The following ALDH1L1 variants were observed in gnomAD, a reference collection of about 807,000 sequenced individuals.
The protein encoded by ALDH1L1 is aldehyde dehydrogenase 1 family member L1.
Under a neutral mutation model 101.1 loss-of-function variants are expected in ALDH1L1, and 68 were observed. That is an observed-to-expected ratio of 0.67 (90% CI 0.55 to 0.82). The LOEUF (loss-of-function observed/expected upper bound fraction) is 0.82. ALDH1L1 is among the 40% of genes least tolerant of loss of function. The probability of loss-of-function intolerance (pLI) is 0.00; values close to 1 mark genes in which losing one functional copy is unlikely to be tolerated. For missense variants in ALDH1L1, 1,087 were observed against 1,172.7 expected (o/e 0.93, Z 1.07); for synonymous variants, 486 against 470.8 (o/e 1.03, Z -0.42).
intron 8 of ALDH1L1, among the ~76,000 whole-genome samples, chr3:126,149,728 G>C (rs1409445006): frequency 6.6e-6 from 1 of 152,154 alleles, no homozygotes; most frequent in Admixed American, 6.5e-5. Flanking sequence ...CTGGGCTCCA[G>C]CTACAGTGCC....
At chr3:126,182,192 G>T (rs1265397353), upstream of ALDH1L1, among the ~76,000 whole-genome samples, 1 of 152,008 alleles carries the variant, frequency 6.6e-6, no homozygotes, top group Non-Finnish European at 1.5e-5. Flanking sequence ...TGTCACCCAG[G>T]CTAGAGTCCA....
At chr3:126,157,536 G>A (rs376407889) in intron 3 of ALDH1L1, 28 bp from the exon 4 acceptor site, 39 of 1,607,216 alleles carry the variant, frequency 2.4e-5, no homozygotes, top group Non-Finnish European at 3.1e-5. Flanking sequence ...GAAACCTGGA[G>A]TCCACGATGA....
At chr3:126,111,936 CCA>C (rs1400026061) in intron 19 of ALDH1L1, among the ~76,000 whole-genome samples, 3 of 152,186 alleles carry the variant, frequency 2.0e-5, no homozygotes, top group Non-Finnish European at 4.4e-5. Context: ...CGTGTCAACC[CCA>C]CAGTGTTTTC....
Position 126,114,633 on chromosome 3 carries a change from T to A in ALDH1L1, c.2006A>T (p.Lys669Met). The A allele has an allele frequency of 1.3e-6, 2 of 1,520,374 alleles. No homozygotes were observed. The highest frequency in any genetic ancestry group is 1.8e-6 in the Non-Finnish European group (2 of 1,133,652). 94.2% of individuals were successfully genotyped at this position (1,520,374 alleles called of 1,614,324 possible). The change falls in exon 18 of 23, where the codon AAG becomes ATG. Residue 669 changes from lysine (K) to methionine (M), a missense_variant. Physicochemically the swap from Lys to Met is moderately conservative, Grantham distance 95 (BLOSUM62 -1). Coordinates refer to ENST00000393434, the MANE Select transcript of ALDH1L1 (RefSeq NM_012190.4). ...CTTCCCGCCCAGTTCCAGGGACACC[T>A]TCTTCACGTTACTTATGGCACAGCT... ...MKSCAISNVK[K>M]VSLELGGKSP...
chr3:126,181,988 C>CT (rs537503139), upstream of ALDH1L1, among the ~76,000 whole-genome samples: 9 of 152,134 alleles, frequency 5.9e-5, no homozygotes, highest in Non-Finnish European at 1.3e-4. Flanking sequence ...TGCCGTTCAT[C>CT]TTTGTCCAGA....
At chr3:126,115,053 G>A (rs773974264) in intron 17 of ALDH1L1, 3 of 456,730 alleles carry the variant, frequency 6.6e-6, no homozygotes, top group Non-Finnish European at 1.3e-5. Flanking sequence ...GCATGAGCCT[G>A]GCCAGGGCAG....
At chr3:126,178,139 T>C (rs2081397713) in intron 1 of ALDH1L1, among the ~76,000 whole-genome samples, 1 of 152,094 alleles carries the variant, frequency 6.6e-6, no homozygotes, top group Admixed American at 6.5e-5. Flanking sequence ...CCCAGCACTT[T>C]GGGAGGCCAA....
At chr3:126,180,759 A>G (rs2081462279), upstream of ALDH1L1, 6 of 1,436,902 alleles carry the variant, frequency 4.2e-6, no homozygotes, top group Non-Finnish European at 5.5e-6. Context: ...CCAACCCCGC[A>G]GGGGCCTGCG....
At chr3:126,155,334 C>G (rs1389794318) in intron 5 of ALDH1L1, 68 bp downstream of exon 5, 1 of 1,422,968 alleles carries the variant, frequency 7.0e-7, no homozygotes, top group East Asian at 2.4e-5. Context: ...CCAGCCTCCT[C>G]AGGCTGCCCT....
chr3:126,131,506 C>A lies in ALDH1L1; in HGVS notation c.1501G>T (p.Glu501Ter), dbSNP rs775588878. The part of the protein sequence containing the change: ...RLADLMEQHQ[E>*]ELATIEALDA... ...AGGGCCTCAATGGTGGCCAGCTCCT[C>A]CTGGTGCTGCTCCATGAGATCTGCC... Residue 501 changes from glutamate to a stop codon, truncating the protein, a stop_gained, in exon 13 of 23, where the codon GAG (glutamate) becomes TAG (stop). Transcript: ENST00000393434. LOFTEE classifies it high-confidence loss of function. 2.5e-6 allele frequency: 4 copies of A among 1,612,338 alleles called. No individual in the cohort carries two copies. In the African/African-American group the frequency reaches 5.3e-5, roughly 22 times the overall value.
chr3:126,157,634 G>T, intron 3 of ALDH1L1, 126 bp from the exon 4 acceptor site: 1 of 1,028,846 alleles, frequency 9.7e-7, no homozygotes, highest in Non-Finnish European at 1.4e-6. Context: ...ACTGACACCG[G>T]CTCCGGCGGG....
At position 126,109,834 on chromosome 3, in the gene ALDH1L1, G is replaced by C. The variant is rs549433806; in HGVS notation, c.2347+110C>G. 7.7e-5 allele frequency: 113 copies of C among 1,472,336 alleles called. 1 individual carries two copies. The African/African-American group carries it at 1.4e-3, about 19-fold the overall frequency. 91.2% of individuals were successfully genotyped at this position (1,472,336 alleles called of 1,614,324 possible). ...TCCCAGATGGGGCTGCAGCCTGACT[G>C]TGTAGGTACCTGGCCTTCAGATGTC... On this transcript the variant is annotated intron_variant, in intron 20 of 22. Transcript: ENST00000393434.
intron 8 of ALDH1L1, among the ~76,000 whole-genome samples, chr3:126,148,365 T>A (rs2080739317): frequency 6.6e-6 from 1 of 152,198 alleles, no homozygotes; most frequent in Admixed American, 6.5e-5. Context: ...TAGGGGGTTG[T>A]GGCCCACTAC....
chr3:126,136,986 G>A (rs1028861208), intron 10 of ALDH1L1, 103 bp from the exon 11 acceptor site: 13 of 1,498,342 alleles, frequency 8.7e-6, no homozygotes, highest in Admixed American at 2.0e-5. Context: ...GGGGCCTCCT[G>A]GGGCTTCAGA....
intron 16 of ALDH1L1, among the ~76,000 whole-genome samples, chr3:126,119,058 G>A (rs539482837): frequency 2.8e-4 from 42 of 152,130 alleles, no homozygotes; most frequent in African/African-American, 9.2e-4. Context: ...CTCCTAATTC[G>A]ACTCTTACTT....
rs1212410937 is a variant in ALDH1L1 at position 126,173,810 on chromosome 3, C to T, written c.-24+6666G>A. ...AAGAAATATGGAGTAGTTCTATTAA[C>T]TTCAGATAAAGCAGACTTCAGAGAA... On this transcript the variant is annotated intron_variant, in intron 1 of 22. Transcript: ENST00000393434. Among the ~76,000 whole-genome samples the T allele has an allele frequency of 2.6e-5, 4 of 152,154 alleles. No homozygotes were observed. The South Asian group carries it at 6.2e-4, about 24-fold the overall frequency.
chr3:126,181,184 A>G (rs1217169116), upstream of ALDH1L1: 7 of 633,836 alleles, frequency 1.1e-5, no homozygotes, highest in Non-Finnish European at 1.9e-5. Flanking sequence ...CTGGTGCCGC[A>G]GACCCCTCCT....
chr3:126,180,869 C>A, upstream of ALDH1L1: 1 of 1,567,834 alleles, frequency 6.4e-7, no homozygotes, highest in South Asian at 1.2e-5. Flanking sequence ...CAGTTCTGAG[C>A]GCTGGCAAGG....
At chr3:126,110,676 C>T (rs116164783) in intron 19 of ALDH1L1, among the ~76,000 whole-genome samples, 201 of 152,272 alleles carry the variant, frequency 1.3e-3, no homozygotes, top group African/African-American at 4.6e-3. Context: ...TAATCAGACA[C>T]AGGTGTGACT....
Sources: gnomAD v4.1 joint callset for allele counts (sites outside exome capture counted in the v4.1 genomes callset) on GRCh38, gnomAD v4.1.1 for gene constraint, MANE v1.5 for transcripts, NCBI Gene and HGNC (gene_info 2026-07-23, HGNC 2026-07-21) for gene names.